PCDH15: variants seen among roughly 807,000 people sequenced by gnomAD.
PCDH15 encodes protocadherin related 15, also known as protocadherin-15.
PCDH15 carries 129 observed loss-of-function variants against 178.5 expected under a neutral mutation model. That is an observed-to-expected ratio of 0.72 (90% CI 0.63 to 0.84). The LOEUF (loss-of-function observed/expected upper bound fraction) is 0.84. Among genes scored for constraint, PCDH15 ranks in the 40% least tolerant of loss-of-function variants. The probability of loss-of-function intolerance (pLI) is 0.00; values close to 1 mark genes in which losing one functional copy is unlikely to be tolerated. For missense variants in PCDH15, 2,230 were observed against 2,099.9 expected (o/e 1.06, Z -1.21); for synonymous variants, 800 against 732.0 (o/e 1.09, Z -1.50).
intron 3 of PCDH15, among the ~76,000 whole-genome samples, chr10:54,427,147 T>C (rs1294642803): frequency 6.6e-6 from 1 of 151,862 alleles, no homozygotes; most frequent in Non-Finnish European, 1.5e-5. Flanking sequence ...ACATTATGGA[T>C]TATCTAGTAT....
chr10:54,552,706 T>C (rs1359937738), intron 2 of PCDH15, among the ~76,000 whole-genome samples: 1 of 152,124 alleles, frequency 6.6e-6, no homozygotes, highest in Non-Finnish European at 1.5e-5. Flanking sequence ...GGATGGTAAG[T>C]GTAAAAGTAG....
intron 1 of PCDH15, among the ~76,000 whole-genome samples, chr10:54,797,882 T>C (rs902449143): frequency 1.3e-5 from 2 of 152,142 alleles, no homozygotes; most frequent in Admixed American, 1.3e-4. Context: ...CGTCTACATA[T>C]TCTTCCAAGT....
chr10:54,696,474 T>C (rs890252466), intron 1 of PCDH15, among the ~76,000 whole-genome samples: 5 of 152,130 alleles, frequency 3.3e-5, no homozygotes, highest in Non-Finnish European at 7.4e-5. Context: ...TTTAGAATAT[T>C]ACATAAGTTT....
At chr10:55,498,003 A>G (rs1589083311) in intron 2 of PCDH15, among the ~76,000 whole-genome samples, 2 of 151,980 alleles carry the variant, frequency 1.3e-5, no homozygotes. Flanking sequence ...TTTAGCCTAT[A>G]TCTACTCTTA....
chr10:55,425,584 A>G (rs1377219134), intron 2 of PCDH15, among the ~76,000 whole-genome samples: 1 of 152,060 alleles, frequency 6.6e-6, no homozygotes, highest in Non-Finnish European at 1.5e-5. Flanking sequence ...TGCTAATCTA[A>G]TGTAAAATAT....
At chr10:54,382,184 G>A (rs1949317674) in intron 3 of PCDH15, among the ~76,000 whole-genome samples, 1 of 152,052 alleles carries the variant, frequency 6.6e-6, no homozygotes, top group African/African-American at 2.4e-5. Flanking sequence ...AGTAGGTATT[G>A]AGGGCCATTT....
intron 17 of PCDH15, among the ~76,000 whole-genome samples, chr10:54,071,700 G>C (rs897526150): frequency 6.6e-6 from 1 of 152,034 alleles, no homozygotes; most frequent in East Asian, 1.9e-4. Context: ...GTATGTATAG[G>C]AATCAGTCAG....
At chr10:53,946,256 A>G (rs1010510376) in intron 23 of PCDH15, among the ~76,000 whole-genome samples, 16 of 152,116 alleles carry the variant, frequency 1.1e-4, no homozygotes, top group African/African-American at 3.9e-4. Context: ...GAAGCATTTG[A>G]GTTCCTATTC....
At chr10:55,124,953 C>T (rs1161451676) in intron 2 of PCDH15, among the ~76,000 whole-genome samples, 1 of 151,904 alleles carries the variant, frequency 6.6e-6, no homozygotes, top group East Asian at 1.9e-4. Flanking sequence ...CATCAGGACT[C>T]TAGGACTTTA....
chr10:54,860,737 C>A (rs1953823937), intron 3 of PCDH15, among the ~76,000 whole-genome samples: 1 of 152,124 alleles, frequency 6.6e-6, no homozygotes. Flanking sequence ...CTGCTTTCCA[C>A]AATGGCTGAA....
intron 2 of PCDH15, among the ~76,000 whole-genome samples, chr10:55,440,586 T>TAC (rs1299717865): frequency 1.3e-5 from 2 of 152,116 alleles, no homozygotes; most frequent in Non-Finnish European, 1.5e-5. Flanking sequence ...GTCAGAAATG[T>TAC]ACACACACAC....
intron 13 of PCDH15, among the ~76,000 whole-genome samples, chr10:54,169,800 C>T (rs994497115): frequency 6.6e-6 from 1 of 152,020 alleles, no homozygotes; most frequent in Non-Finnish European, 1.5e-5. Context: ...TTGCCTGCTA[C>T]AGCATGGCCT....
intron 23 of PCDH15, among the ~76,000 whole-genome samples, chr10:53,949,879 T>C (rs781484129): frequency 5.3e-5 from 8 of 152,352 alleles, no homozygotes; most frequent in Non-Finnish European, 1.0e-4. Flanking sequence ...AATGAATGCC[T>C]TGATTATAAA....
intron 3 of PCDH15, among the ~76,000 whole-genome samples, chr10:54,442,107 C>T (rs1190530805): frequency 1.3e-5 from 2 of 151,362 alleles, no homozygotes; most frequent in Non-Finnish European, 3.0e-5. Flanking sequence ...TTATATTTTC[C>T]TGCATGTCTG....
intron 3 of PCDH15, among the ~76,000 whole-genome samples, chr10:54,489,151 G>T (rs2079359438): frequency 6.6e-6 from 1 of 151,922 alleles, no homozygotes; most frequent in African/African-American, 2.4e-5. Flanking sequence ...ATTAAATTGG[G>T]TTAATACTTT....
At chr10:54,347,386 G>C (rs1289897016) in intron 5 of PCDH15, among the ~76,000 whole-genome samples, 1 of 151,960 alleles carries the variant, frequency 6.6e-6, no homozygotes, top group Non-Finnish European at 1.5e-5. Flanking sequence ...TCTTGTGCTT[G>C]CATTTTGCAC....
intron 2 of PCDH15, among the ~76,000 whole-genome samples, chr10:54,540,064 T>G (rs1441984000): frequency 1.3e-5 from 2 of 152,100 alleles, no homozygotes; most frequent in Non-Finnish European, 2.9e-5. Context: ...AATCTCTGAT[T>G]AACGATCTAA....
At chr10:54,240,675 A>C (rs1591368485) in intron 8 of PCDH15, among the ~76,000 whole-genome samples, 1 of 114,738 alleles carries the variant, frequency 8.7e-6, no homozygotes, top group South Asian at 2.9e-4. Context: ...TCTGTTGCCC[A>C]GGCTGGAGTG....
upstream of PCDH15, among the ~76,000 whole-genome samples, chr10:55,320,647 C>A (rs1054525478): frequency 6.6e-5 from 10 of 152,106 alleles, no homozygotes; most frequent in African/African-American, 9.7e-5. Flanking sequence ...GATGCCACCC[C>A]CCCCAGAATT....
Sources: allele counts gnomAD v4.1 joint callset (sites outside exome capture counted in the v4.1 genomes callset), GRCh38; gene constraint gnomAD v4.1.1; transcripts MANE v1.5; gene names NCBI Gene and HGNC (gene_info 2026-07-23, HGNC 2026-07-21).